DCTN4: variants seen among roughly 807,000 people sequenced by gnomAD.
DCTN4 encodes the protein dynactin 4 (p62).
Under a neutral mutation model 62.7 loss-of-function variants are expected in DCTN4, and 23 were observed. That is an observed-to-expected ratio of 0.37 (90% CI 0.26 to 0.52). The LOEUF (loss-of-function observed/expected upper bound fraction) is 0.52, where lower values mean the gene tolerates loss of function less well. Ranked by LOEUF, DCTN4 falls within the 20% of genes least tolerant of loss-of-function variation. The pLI, the probability that DCTN4 is intolerant of heterozygous loss-of-function variation, is 0.92. For missense variants in DCTN4, 514 were observed against 580.4 expected (o/e 0.89, Z 1.18); for synonymous variants, 199 against 202.1 (o/e 0.98, Z 0.13).
At chr5:150,743,459 C>A (rs1367970328) in intron 3 of DCTN4, among the ~76,000 whole-genome samples, 1 of 152,220 alleles carries the variant, frequency 6.6e-6, no homozygotes, top group Non-Finnish European at 1.5e-5. Context: ...GTTCTCCCAG[C>A]ACGCAGCTGG....
rs112416902 is a variant in DCTN4 at position 150,758,515 on chromosome 5, G to A, written c.135+344C>T. The A allele has an allele frequency of 9.9e-6, 10 of 1,008,958 alleles. No homozygotes were observed. The African/African-American group carries it at 1.0e-4, about 10-fold the overall frequency. 62.5% of individuals were successfully genotyped at this position (1,008,958 alleles called of 1,614,324 possible). On this transcript the variant is annotated intron_variant, in intron 1 of 12. Coordinates refer to ENST00000447998, the MANE Select transcript of DCTN4 (RefSeq NM_016221.4). ...CCATCCTCGCAATAAATCCTGGAAA[G>A]GCAGTTTTTCGCCCCTTAAGTGGCC...
intron 4 of DCTN4, among the ~76,000 whole-genome samples, chr5:150,735,148 T>C (rs1760528795): frequency 6.6e-6 from 1 of 152,170 alleles, no homozygotes; most frequent in Non-Finnish European, 1.5e-5. Flanking sequence ...TAGGGCAAGC[T>C]TGTATCCCCA....
At chr5:150,725,965 C>T (rs558060512) in intron 8 of DCTN4, among the ~76,000 whole-genome samples, 13 of 152,090 alleles carry the variant, frequency 8.5e-5, no homozygotes, top group Non-Finnish European at 1.8e-4. Flanking sequence ...TACAATGGCG[C>T]AATCTTGGCT....
chr5:150,740,397 AG>A (rs1169451661), intron 4 of DCTN4, among the ~76,000 whole-genome samples: 1 of 152,094 alleles, frequency 6.6e-6, no homozygotes, highest in Non-Finnish European at 1.5e-5. Flanking sequence ...AAAAAAAAAA[AG>A]TAATAGATGC....
chr5:150,726,072 T>C (rs1339186651), intron 8 of DCTN4, among the ~76,000 whole-genome samples: 1 of 152,052 alleles, frequency 6.6e-6, no homozygotes, highest in African/African-American at 2.4e-5. Flanking sequence ...AATAAGCTGG[T>C]ATAAGGCTAT....
intron 11 of DCTN4, among the ~76,000 whole-genome samples, chr5:150,716,031 AG>A (rs1433206508): frequency 2.8e-4 from 42 of 152,226 alleles, no homozygotes; most frequent in African/African-American, 1.0e-3. Context: ...CAGCCTCATG[AG>A]TAGCTAGGAC....
chr5:150,739,760 C>A (rs149672347), intron 4 of DCTN4, among the ~76,000 whole-genome samples: 81 of 152,074 alleles, frequency 5.3e-4, no homozygotes, highest in African/African-American at 1.8e-3. Flanking sequence ...AATAGAGAAC[C>A]CAGAAATAAA....
At position 150,731,086 on chromosome 5, in the gene DCTN4, G is replaced by C. The variant is rs764097747; in HGVS notation, c.682C>G (p.Leu228Val). Residue 228 changes from leucine (L) to valine (V), a missense_variant, in exon 7 of 13, where the codon CTA becomes GTA. Transcript: ENST00000447998. ...GGTCTTGTATAATAGTCTTCAGGTA[G>C]AGGTTCCACTTCATCCACAGCCTGA... The part of the protein sequence containing the change: ...PAQAVDEVEP[L>V]PEDYYTRPVN... 1.2e-6 allele frequency: 2 copies of C among 1,612,080 alleles called. No individual in the cohort carries two copies. Among genetic ancestry groups the C allele is most frequent in the South Asian group, 2.2e-5 (2 of 91,028 alleles).
chr5:150,756,331 G>T, intron 2 of DCTN4, 86 bp downstream of exon 2: 2 of 944,416 alleles, frequency 2.1e-6, no homozygotes, highest in Non-Finnish European at 3.2e-6. Context: ...GAGCCACCAT[G>T]CCTGGCCCAT....
intron 2 of DCTN4, among the ~76,000 whole-genome samples, chr5:150,753,979 T>C (rs1016611736): frequency 1.3e-5 from 2 of 152,222 alleles, no homozygotes; most frequent in African/African-American, 4.8e-5. Flanking sequence ...TGTCACAGCT[T>C]ATGCCTTTAG....
intron 8 of DCTN4, among the ~76,000 whole-genome samples, chr5:150,729,042 C>CTTTTTTTTTTTTTTTT (rs61106544): frequency 3.8e-5 from 2 of 52,144 alleles, no homozygotes; most frequent in African/African-American, 1.5e-4. Context: ...ACCACACTGG[C>CTTTTTTTTTTTTTTTT]TTTTTTTTTT....
intron 8 of DCTN4, among the ~76,000 whole-genome samples, chr5:150,728,015 C>A (rs896398216): frequency 2.6e-5 from 4 of 152,146 alleles, no homozygotes; most frequent in African/African-American, 9.6e-5. Flanking sequence ...TTTTAAAACT[C>A]TGATCTAATG....
intron 8 of DCTN4, among the ~76,000 whole-genome samples, chr5:150,725,557 C>T (rs535952893): frequency 2.3e-4 from 35 of 151,786 alleles, no homozygotes; most frequent in Non-Finnish European, 3.4e-4. Flanking sequence ...TTGGACTTTG[C>T]TGTTTTTTTT....
Position 150,753,588 on chromosome 5 carries a change from T to C in DCTN4, c.276A>G (p.Thr92=), listed in dbSNP as rs754344800. 2.5e-6 allele frequency: 4 copies of C among 1,614,150 alleles called. No homozygotes were observed. The Admixed American group carries it at 5.0e-5, about 20-fold the overall frequency. Residue 92 remains threonine (T), a synonymous_variant, in exon 3 of 13, where the codon ACA becomes ACG. Coordinates refer to ENST00000447998, the MANE Select transcript of DCTN4 (RefSeq NM_016221.4). ...TCTTGGCTGGGTCATCTGGAAGCTG[T>C]GTGGAGATGCTCGTGGCCCGAGTAG... The part of the protein sequence containing the change: ...TLSTRATSIS[T]QLPDDPAKTT...
At chr5:150,715,544 G>A (rs759894776) in intron 12 of DCTN4, 21 bp downstream of exon 12, 38 of 1,599,530 alleles carry the variant, frequency 2.4e-5, no homozygotes, top group East Asian at 1.1e-4. Context: ...GTTGTATGGG[G>A]ATCACAAAAA....
chr5:150,734,657 C>T (rs921869211), intron 4 of DCTN4, among the ~76,000 whole-genome samples: 8 of 152,112 alleles, frequency 5.3e-5, no homozygotes, highest in Admixed American at 3.9e-4. Context: ...ATGGGGAAGG[C>T]GTAAAGGGGA....
rs1298881572 is a variant in DCTN4 at position 150,710,006 on chromosome 5, G to C, written c.*1143C>G. On this transcript the variant is annotated 3_prime_UTR_variant, in exon 13 of 13. Transcript: ENST00000447998. ...AAACAGCAAGTCTGCTGTTAGGCCAGAACTGTGGGCTACTTGCTGAACTAT... is the reference window on the plus strand; with the variant it reads ...AAACAGCAAGTCTGCTGTTAGGCCACAACTGTGGGCTACTTGCTGAACTAT... 1.3e-5 allele frequency: 2 copies of C among 152,326 alleles called. No individual in the cohort carries two copies. Among genetic ancestry groups the C allele is most frequent in the Admixed American group, 1.3e-4 (2 of 15,270 alleles). 9.4% of individuals were successfully genotyped at this position (152,326 alleles called of 1,614,324 possible). A position where few individuals can be genotyped will look rare whatever the true frequency, so the allele number is the denominator to read the frequency against.
intron 9 of DCTN4, among the ~76,000 whole-genome samples, chr5:150,721,731 C>G (rs1042493435): frequency 8.5e-5 from 13 of 152,296 alleles, no homozygotes; most frequent in African/African-American, 2.6e-4. Flanking sequence ...ATTCTCTATG[C>G]CTGGGATATT....
rs547302439 is a variant in DCTN4 at position 150,710,201 on chromosome 5, C to G, written c.*948G>C. On this transcript the variant is annotated 3_prime_UTR_variant, in exon 13 of 13. Coordinates refer to ENST00000447998, the MANE Select transcript of DCTN4 (RefSeq NM_016221.4). Reference sequence around the variant, plus strand: ...TGCTAGTTGAGAATATTCTAAAAATCTAGCCTTTAAAATGTTTTCTGCATT... The same window carrying G: ...TGCTAGTTGAGAATATTCTAAAAATGTAGCCTTTAAAATGTTTTCTGCATT... The G allele has an allele frequency of 6.6e-6, 1 of 152,456 alleles. No homozygotes were observed. The highest frequency in any genetic ancestry group is 2.4e-5 in the African/African-American group (1 of 41,576). The allele number at this position is 152,456 out of a possible 1,614,324, so 9.4% of individuals were successfully genotyped here.
Sources: gnomAD v4.1 joint callset for allele counts (sites outside exome capture counted in the v4.1 genomes callset) on GRCh38, gnomAD v4.1.1 for gene constraint, MANE v1.5 for transcripts, NCBI Gene and HGNC (gene_info 2026-07-23, HGNC 2026-07-21) for gene names.